GMCL1: variants seen among roughly 807,000 people sequenced by gnomAD.
GMCL1 encodes the protein germ cell-less 1, spermatogenesis associated.
A neutral mutation model predicts 75.5 loss-of-function variants in GMCL1; 54 were observed. That is an observed-to-expected ratio of 0.71 (90% CI 0.57 to 0.90). The LOEUF (loss-of-function observed/expected upper bound fraction) is 0.90. Among genes scored for constraint, GMCL1 ranks in the 40% least tolerant of loss-of-function variants. The probability of loss-of-function intolerance (pLI) is 0.00; values close to 1 mark genes in which losing one functional copy is unlikely to be tolerated. For missense variants in GMCL1, 537 were observed against 622.7 expected (o/e 0.86, Z 1.47); for synonymous variants, 210 against 209.6 (o/e 1.00, Z -0.02).
chr2:69,851,738 C>G (rs558274522), intron 8 of GMCL1, among the ~76,000 whole-genome samples: 156 of 152,198 alleles, frequency 1.0e-3, no homozygotes, highest in Non-Finnish European at 1.9e-3. Flanking sequence ...TGCACTCCAG[C>G]CTGGACAGCA....
At chr2:69,836,168 G>C (rs1361052461) in intron 1 of GMCL1, among the ~76,000 whole-genome samples, 1 of 152,158 alleles carries the variant, frequency 6.6e-6, no homozygotes, top group Non-Finnish European at 1.5e-5. Context: ...CTGATGGGCA[G>C]ATAAGCTTAG....
chr2:69,859,144 C>CAAA (rs571712437), intron 9 of GMCL1, among the ~76,000 whole-genome samples: 6 of 62,630 alleles, frequency 9.6e-5, no homozygotes, highest in Admixed American at 5.2e-4. Context: ...GACTCTGTCT[C>CAAA]AAAAAAAAAA....
At chr2:69,839,277 G>A (rs927633408) in intron 2 of GMCL1, among the ~76,000 whole-genome samples, 180 bp from the exon 3 acceptor site, 3 of 152,160 alleles carry the variant, frequency 2.0e-5, no homozygotes, top group Non-Finnish European at 4.4e-5. Context: ...ACACCTAATA[G>A]TGTCCTTATC....
intron 2 of GMCL1, among the ~76,000 whole-genome samples, chr2:69,838,080 C>T (rs971860514): frequency 3.3e-5 from 5 of 151,984 alleles, no homozygotes; most frequent in African/African-American, 1.2e-4. Context: ...AGAAAGTTCT[C>T]TCCTGAAAAA....
chr2:69,848,479 G>A (rs2103979940), intron 7 of GMCL1, among the ~76,000 whole-genome samples: 1 of 152,334 alleles, frequency 6.6e-6, no homozygotes, highest in East Asian at 1.9e-4. Flanking sequence ...GGCCCAGGCT[G>A]GCGGATCGCT....
chr2:69,876,296 G>A (rs774909899), intron 13 of GMCL1, among the ~76,000 whole-genome samples: 2 of 152,194 alleles, frequency 1.3e-5, no homozygotes, highest in African/African-American at 2.4e-5. Flanking sequence ...ATAAAGTGGT[G>A]CAATTGAGAA....
At chr2:69,853,087 G>A (rs1345248729) in intron 8 of GMCL1, among the ~76,000 whole-genome samples, 1 of 152,174 alleles carries the variant, frequency 6.6e-6, no homozygotes, top group Non-Finnish European at 1.5e-5. Flanking sequence ...CAGCCGTGAC[G>A]AAAAGGCTTC....
At chr2:69,831,932 A>C (rs1674684121) in intron 1 of GMCL1, among the ~76,000 whole-genome samples, 1 of 152,194 alleles carries the variant, frequency 6.6e-6, no homozygotes, top group African/African-American at 2.4e-5. Context: ...AAGAGTTCTG[A>C]GTTCTTGGCC....
intron 1 of GMCL1, among the ~76,000 whole-genome samples, chr2:69,836,607 G>T (rs1415508552): frequency 6.6e-6 from 1 of 152,188 alleles, no homozygotes. Context: ...GATGTCATCT[G>T]AAACAATTAC....
chr2:69,867,030 G>C (rs887879457), intron 11 of GMCL1, among the ~76,000 whole-genome samples: 18 of 151,210 alleles, frequency 1.2e-4, no homozygotes, highest in African/African-American at 4.4e-4. Context: ...CTGAAGCCTT[G>C]ACTTCCTGGG....
At chr2:69,858,063 G>A (rs1675530267) in intron 9 of GMCL1, among the ~76,000 whole-genome samples, 1 of 152,058 alleles carries the variant, frequency 6.6e-6, no homozygotes, top group Non-Finnish European at 1.5e-5. Flanking sequence ...TTATTCCATT[G>A]GGAAAATACT....
chr2:69,855,747 T>G (rs1337049048), intron 9 of GMCL1, among the ~76,000 whole-genome samples: 1 of 152,194 alleles, frequency 6.6e-6, no homozygotes, highest in Non-Finnish European at 1.5e-5. Flanking sequence ...AGATACTGTT[T>G]AAGTCACAAA....
chr2:69,857,638 C>T (rs1675515432), intron 9 of GMCL1, among the ~76,000 whole-genome samples: 1 of 152,124 alleles, frequency 6.6e-6, no homozygotes. Flanking sequence ...ATTTTTGAAC[C>T]AGGCTTCTCC....
At chr2:69,830,294 G>A in intron 1 of GMCL1, 142 bp downstream of exon 1, 1 of 1,160,852 alleles carries the variant, frequency 8.6e-7, no homozygotes, top group Non-Finnish European at 1.2e-6. Context: ...GAATGTGGAA[G>A]CCGGCCCGAT....
chr2:69,865,520 T>G (rs1189771972), intron 11 of GMCL1, among the ~76,000 whole-genome samples: 1 of 151,894 alleles, frequency 6.6e-6, no homozygotes, highest in Non-Finnish European at 1.5e-5. Context: ...TGGTGGTGCA[T>G]GCCTGTAAAC....
At chr2:69,843,351 A>G (rs1558539418) in intron 5 of GMCL1, 90 bp downstream of exon 5, 6 of 649,224 alleles carry the variant, frequency 9.2e-6, no homozygotes, top group Non-Finnish European at 1.1e-5. Context: ...TATAAGAAAG[A>G]AAGAATTAAG....
chr2:69,848,069 T>G (rs1164705234), intron 7 of GMCL1, among the ~76,000 whole-genome samples: 1 of 152,200 alleles, frequency 6.6e-6, no homozygotes, highest in Non-Finnish European at 1.5e-5. Flanking sequence ...TTGAAAAGTT[T>G]CAACATTTAA....
chr2:69,854,668 C>T (rs915134879), intron 8 of GMCL1, among the ~76,000 whole-genome samples, 155 bp from the exon 9 acceptor site: 1 of 152,166 alleles, frequency 6.6e-6, no homozygotes, highest in East Asian at 1.9e-4. Flanking sequence ...ATGTTCTTAT[C>T]TGTAAACCTA....
At chr2:69,875,568 T>A (rs1314369516) in intron 13 of GMCL1, among the ~76,000 whole-genome samples, 1 of 152,218 alleles carries the variant, frequency 6.6e-6, no homozygotes, top group African/African-American at 2.4e-5. Context: ...ACCATTGATG[T>A]CTTCCTTTCT....
Sources: allele counts gnomAD v4.1 joint callset (sites outside exome capture counted in the v4.1 genomes callset), GRCh38; gene constraint gnomAD v4.1.1; transcripts MANE v1.5; gene names NCBI Gene and HGNC (gene_info 2026-07-23, HGNC 2026-07-21).